Variants in TMED8 observed in about 807,000 individuals in gnomAD.
TMED8 encodes transmembrane p24 trafficking protein family member 8.
A neutral mutation model predicts 32.7 loss-of-function variants in TMED8; 15 were observed. The ratio of observed to expected loss-of-function variants is 0.46; its 90% CI spans 0.31 to 0.71. The LOEUF is 0.71. TMED8 is among the 30% of genes least tolerant of loss of function. The probability of loss-of-function intolerance (pLI) is 0.06; values close to 1 mark genes in which losing one functional copy is unlikely to be tolerated. For synonymous variants in TMED8, 147 were observed against 161.4 expected, an observed-to-expected ratio of 0.91 and a Z score of 0.68; for missense variants, 390 against 423.9, an observed-to-expected ratio of 0.92 and a Z score of 0.70.
In TMED8 at chr14:77,376,702, A is replaced by C. The variant is rs1417741983; in HGVS notation, c.118+234T>G. 2.8e-5 allele frequency: 9 copies of C among 316,524 alleles called. No individual in the cohort carries two copies. Among genetic ancestry groups the C allele is most frequent in the Non-Finnish European group, 5.2e-5 (9 of 174,230 alleles). 19.6% of individuals were successfully genotyped at this position (316,524 alleles called of 1,614,324 possible). ...CACTACCATTTGGGCAGATCTCAGA[A>C]AGGAAGCGGGGCAGGAATCAAGGCA... On this transcript the variant is annotated intron_variant, in intron 1 of 5. Coordinates refer to ENST00000216468, the MANE Select transcript of TMED8 (RefSeq NM_213601.3). This position sits in a 1 kb window ranked among gnomAD's most constrained non-coding sequence, Gnocchi z 4.0.
At chr14:77,356,844 G>C (rs1035786430) in intron 1 of TMED8, among the ~76,000 whole-genome samples, 2 of 152,078 alleles carry the variant, frequency 1.3e-5, no homozygotes, top group Non-Finnish European at 2.9e-5. Context: ...CAATATATTT[G>C]TTGACATTTT....
intron 1 of TMED8, among the ~76,000 whole-genome samples, chr14:77,354,353 T>C (rs1004098428): frequency 6.6e-6 from 1 of 152,202 alleles, no homozygotes. Context: ...ATTTTTAAAA[T>C]AGACTTTTGG....
At position 77,376,298 on chromosome 14, in the gene TMED8, C is replaced by G. The variant is rs1204719710; in HGVS notation, c.118+638G>C. Among the ~76,000 whole-genome samples, 5 of 152,222 alleles carry G rather than the reference C, an allele frequency of 3.3e-5. No homozygotes were observed. The highest frequency in any genetic ancestry group is 9.6e-5 in the African/African-American group (4 of 41,458). On this transcript the variant is annotated intron_variant, in intron 1 of 5. Coordinates refer to ENST00000216468, the MANE Select transcript of TMED8 (RefSeq NM_213601.3). The surrounding 1 kb of genome is among the most constrained non-coding windows in gnomAD (Gnocchi z 4.0). ...AGGTAGGCCAAATTTTTAATTCCTG[C>G]TCTTGCTTTGGCTACTGTGTTCAAG...
intron 1 of TMED8, among the ~76,000 whole-genome samples, chr14:77,360,180 T>C (rs1207704605): frequency 6.6e-6 from 1 of 152,232 alleles, no homozygotes; most frequent in Non-Finnish European, 1.5e-5. Context: ...ATATACCTGT[T>C]GGCCATTGTA....
rs1892800302 is a variant in TMED8 at position 77,337,789 on chromosome 14, A to T, written c.*3982T>A. ...GGGCTCTCCAACAGAGCCGATATGC[A>T]GGGGACATTCTCAGCATTCTCTAAT... On this transcript the variant is annotated 3_prime_UTR_variant, in exon 6 of 6. Transcript: ENST00000216468. The T allele has an allele frequency of 6.6e-6, 1 of 152,234 alleles. No homozygotes were observed. The highest frequency in any genetic ancestry group is 1.5e-5 in the Non-Finnish European group (1 of 68,038). 9.4% of individuals were successfully genotyped at this position (152,234 alleles called of 1,614,324 possible).
rs991872277 is a variant in TMED8 at position 77,341,812 on chromosome 14, G to A, written c.937C>T (p.Arg313Cys). ...LKFDNSYSLL[R>C]NKTLYFHIYY... ...ATGTGGAAGTAGAGAGTCTTGTTGCGCAGCAGGGAGTAGGAGTTGTCGAAC... is the reference window on the plus strand; with the variant it reads ...ATGTGGAAGTAGAGAGTCTTGTTGCACAGCAGGGAGTAGGAGTTGTCGAAC... The change falls in exon 6 of 6, where the codon CGC becomes TGC. Residue 313 changes from arginine to cysteine, a missense_variant. Transcript: ENST00000216468. 17 of 1,613,964 alleles carry A rather than the reference G, an allele frequency of 1.1e-5. No individual in the cohort carries two copies. The highest frequency in any genetic ancestry group is 1.6e-4 in the Middle Eastern group (1 of 6,084).
chr14:77,373,307 AAAAAACAAAAAC>A (rs1252817903), intron 1 of TMED8, among the ~76,000 whole-genome samples: 3 of 151,922 alleles, frequency 2.0e-5, no homozygotes, highest in South Asian at 2.1e-4. Context: ...AAACTTAAAA[AAAAAACAAAAAC>A]AAAAACAAAA....
intron 1 of TMED8, among the ~76,000 whole-genome samples, chr14:77,354,534 T>G (rs1893249204): frequency 6.6e-6 from 1 of 152,228 alleles, no homozygotes; most frequent in Non-Finnish European, 1.5e-5. Flanking sequence ...AAAATAATTT[T>G]TAATATACAG....
chr14:77,336,546 G>A lies in TMED8; in HGVS notation c.*5225C>T, dbSNP rs1892764294. The stretch of plus-strand genomic sequence containing the variant: ...GGCTTTGTTTAGCCTTCTTGGTTTA[G>A]GCAGGGACAATGCAACACTTGAGAG... On this transcript the variant is annotated 3_prime_UTR_variant, in exon 6 of 6. Coordinates refer to ENST00000216468, the MANE Select transcript of TMED8 (RefSeq NM_213601.3). 1 of 152,124 alleles carries A rather than the reference G, an allele frequency of 6.6e-6. No individual in the cohort carries two copies. Among genetic ancestry groups the A allele is most frequent in the Admixed American group, 6.6e-5 (1 of 15,262 alleles). The allele number at this position is 152,124 out of a possible 1,614,324, so 9.4% of individuals were successfully genotyped here.
chr14:77,368,383 G>A (rs925273258), intron 1 of TMED8, among the ~76,000 whole-genome samples: 2 of 152,140 alleles, frequency 1.3e-5, no homozygotes, highest in Admixed American at 6.5e-5. Context: ...CCAATGACTC[G>A]TATTTCTTGG....
chr14:77,346,615 A>ACCTTAGC, intron 2 of TMED8, 137 bp from the exon 3 acceptor site: 1 of 1,083,212 alleles, frequency 9.2e-7, no homozygotes, highest in Non-Finnish European at 1.3e-6. Flanking sequence ...CTCTACTGTC[A>ACCTTAGC]CCTTAGCCGA....
chr14:77,349,638 T>C (rs141109412), intron 2 of TMED8, among the ~76,000 whole-genome samples: 130 of 152,318 alleles, frequency 8.5e-4, no homozygotes, highest in Middle Eastern at 3.4e-3. Flanking sequence ...GGTTTTCTGC[T>C]GAGAGGTTTC....
chr14:77,365,106 A>C (rs955362978), intron 1 of TMED8, among the ~76,000 whole-genome samples: 4 of 152,144 alleles, frequency 2.6e-5, no homozygotes, highest in Admixed American at 2.6e-4. Context: ...AGCCCACTGA[A>C]TCTCCTTCAG....
rs1892878056 is a variant in TMED8, at chr14:77,340,800, A to G, written c.*971T>C. ...TGGAAACCTGATTGGGTTTCACTGC[A>G]TTTGATTCCAAAGCAACATTTCTAA... On this transcript the variant is annotated 3_prime_UTR_variant, in exon 6 of 6. Transcript: ENST00000216468. 1 of 152,204 alleles carries G rather than the reference A, an allele frequency of 6.6e-6. No homozygotes were observed. Among genetic ancestry groups the G allele is most frequent in the Non-Finnish European group, 1.5e-5 (1 of 68,020 alleles). 9.4% of individuals were successfully genotyped at this position (152,204 alleles called of 1,614,324 possible).
intron 1 of TMED8, among the ~76,000 whole-genome samples, chr14:77,372,031 T>C (rs915574440): frequency 1.3e-5 from 2 of 152,060 alleles, no homozygotes; most frequent in East Asian, 1.9e-4. Context: ...CAAGAAAAAA[T>C]AGTAAATAAC....
At position 77,341,673 on chromosome 14, in the gene TMED8, C is replaced by T. The variant is rs1476245973; in HGVS notation, c.*98G>A. 79 of 1,209,420 alleles carry T rather than the reference C, an allele frequency of 6.5e-5. 1 individual carries two copies. In the Admixed American group the frequency reaches 1.0e-3, roughly 16 times the overall value. The allele number at this position is 1,209,420 out of a possible 1,614,324, so 74.9% of individuals were successfully genotyped here. On this transcript the variant is annotated 3_prime_UTR_variant, in exon 6 of 6. Coordinates refer to ENST00000216468, the MANE Select transcript of TMED8 (RefSeq NM_213601.3). ...GACAGGGTGTGAGGCTCAGCAGCCC[C>T]CCATGAACCTTTGGCTCTTGCCTAT...
chr14:77,366,239 C>T (rs1403232940), intron 1 of TMED8, among the ~76,000 whole-genome samples: 1 of 152,214 alleles, frequency 6.6e-6, no homozygotes, highest in Admixed American at 6.5e-5. Context: ...TTCTGGCTTT[C>T]AAAAATACTC....
chr14:77,339,378 A>G lies in TMED8; in HGVS notation c.*2393T>C, dbSNP rs1273334008. ...GGAACAAGTCCCTTAGGCTTCCCTG[A>G]TGCAACAGAACTAGGATTCCAAAGA... is the stretch of plus-strand genomic sequence containing the variant. On this transcript the variant is annotated 3_prime_UTR_variant, in exon 6 of 6. Coordinates refer to ENST00000216468, the MANE Select transcript of TMED8 (RefSeq NM_213601.3). The G allele has an allele frequency of 6.6e-6, 1 of 152,248 alleles. No individual in the cohort carries two copies. Among genetic ancestry groups the G allele is most frequent in the East Asian group, 1.9e-4 (1 of 5,202 alleles). The allele number at this position is 152,248 out of a possible 1,614,324, so 9.4% of individuals were successfully genotyped here. A position where few individuals can be genotyped will look rare whatever the true frequency, so the allele number is the denominator to read the frequency against.
At chr14:77,367,562 TA>T (rs1566693936) in intron 1 of TMED8, among the ~76,000 whole-genome samples, 1 of 152,190 alleles carries the variant, frequency 6.6e-6, no homozygotes, top group African/African-American at 2.4e-5. Context: ...GAATTCCATA[TA>T]AAGGAAAATG....
Sources: allele counts gnomAD v4.1 joint callset (sites outside exome capture counted in the v4.1 genomes callset), GRCh38; gene constraint gnomAD v4.1.1; non-coding constraint Gnocchi (gnomAD v3.1); transcripts MANE v1.5; gene names NCBI Gene and HGNC (gene_info 2026-07-23, HGNC 2026-07-21).